The following SPRY3 variants were observed in gnomAD, a reference collection of about 807,000 sequenced individuals.
The protein encoded by SPRY3 is sprouty RTK signaling antagonist 3.
SPRY3 carries 15 observed loss-of-function variants against 20.2 expected under a neutral mutation model. That is an observed-to-expected ratio of 0.74 (90% CI 0.50 to 1.14). SPRY3 has a LOEUF of 1.14. Among genes scored for constraint, SPRY3 ranks in the 50% most tolerant of loss-of-function variants. The pLI is 0.00. For missense variants in SPRY3, 364 were observed against 363.9 expected (o/e 1.00, Z 0.00); for synonymous variants, 143 against 136.5 (o/e 1.05, Z -0.33).
intron 2 of SPRY3, among the ~76,000 whole-genome samples, chrX:155,696,412 C>T (rs982883713): frequency 2.7e-5 from 3 of 110,460 alleles, no homozygotes; most frequent in African/African-American, 9.9e-5. Flanking sequence ...TTTTATACCC[C>T]CAAGACTTTG....
In SPRY3 at chrX:155,711,344, C is replaced by G. The variant is rs750626442; in HGVS notation, c.-282+54319C>G. Among the ~76,000 whole-genome samples the G allele has an allele frequency of 1.7e-4, 26 of 151,756 alleles. No homozygotes were observed. In the South Asian group the frequency reaches 4.8e-3, roughly 28 times the overall value. On this transcript the variant is annotated intron_variant, in intron 2 of 3. Coordinates refer to ENST00000675360, the Ensembl canonical transcript of SPRY3. ...ATTCTTCTAGTTACTTGTTATTGGTCTGTTCAGGTTTTGGATTTCTTCATG... is the reference window on the plus strand; with the variant it reads ...ATTCTTCTAGTTACTTGTTATTGGTGTGTTCAGGTTTTGGATTTCTTCATG...
At chrX:155,763,853 A>G (rs1164254919) in intron 2 of SPRY3, among the ~76,000 whole-genome samples, 1 of 151,812 alleles carries the variant, frequency 6.6e-6, no homozygotes, top group African/African-American at 2.4e-5. Flanking sequence ...TGTTAGATAT[A>G]CTCTCCCTTC....
intron 2 of SPRY3, among the ~76,000 whole-genome samples, chrX:155,765,736 C>T (rs1569398652): frequency 6.6e-6 from 1 of 152,128 alleles, no homozygotes; most frequent in Non-Finnish European, 1.5e-5. Context: ...TTAGGCAACC[C>T]AGCTATTCAA....
chrX:155,727,735 G>T (rs922036275), intron 2 of SPRY3, among the ~76,000 whole-genome samples: 2 of 152,044 alleles, frequency 1.3e-5, no homozygotes, highest in Admixed American at 1.3e-4. Context: ...TCCTTGAAAT[G>T]GGTTAGAATG....
chrX:155,742,528 A>G (rs1485378850), intron 2 of SPRY3, among the ~76,000 whole-genome samples: 1 of 152,188 alleles, frequency 6.6e-6, no homozygotes, highest in Non-Finnish European at 1.5e-5. Context: ...ACCCAAAAAC[A>G]ATAGAATGTG....
At chrX:155,665,722 C>T (rs2068022474) in intron 2 of SPRY3, among the ~76,000 whole-genome samples, 1 of 111,353 alleles carries the variant, frequency 9.0e-6, no homozygotes, top group African/African-American at 3.3e-5. Context: ...TGGGATGATA[C>T]ATGCCAACTT....
chrX:155,753,570 C>A (rs1260409709), intron 2 of SPRY3, among the ~76,000 whole-genome samples: 2 of 151,794 alleles, frequency 1.3e-5, no homozygotes, highest in Non-Finnish European at 2.9e-5. Flanking sequence ...CACATGTTTT[C>A]AACTTTTTTG....
intron 2 of SPRY3, among the ~76,000 whole-genome samples, chrX:155,767,437 C>T (rs1393885912): frequency 6.6e-6 from 1 of 151,974 alleles, no homozygotes; most frequent in Non-Finnish European, 1.5e-5. Flanking sequence ...CACACACTGG[C>T]GGTATCTATT....
At chrX:155,623,780 T>A (rs1346959491) in intron 1 of SPRY3, among the ~76,000 whole-genome samples, 1 of 112,522 alleles carries the variant, frequency 8.9e-6, no homozygotes, top group Non-Finnish European at 1.9e-5. Context: ...CTTTGCTGAT[T>A]TCTGCATTTC....
intron 1 of SPRY3, among the ~76,000 whole-genome samples, chrX:155,645,960 AC>A (rs35329695): frequency 0.049 from 5,420 of 111,244 alleles, 316 homozygotes; most frequent in African/African-American, 0.17. Context: ...TTTTTAATTG[AC>A]CTTTGTGTTT....
chrX:155,771,887 C>T (rs918167492), intron 3 of SPRY3, among the ~76,000 whole-genome samples: 3 of 152,040 alleles, frequency 2.0e-5, no homozygotes, highest in African/African-American at 7.2e-5. Flanking sequence ...GTAGAAGATA[C>T]GGATGAAAAG....
At chrX:155,737,467 G>A (rs1215758164) in intron 2 of SPRY3, among the ~76,000 whole-genome samples, 4 of 152,140 alleles carry the variant, frequency 2.6e-5, no homozygotes, top group Non-Finnish European at 5.9e-5. Context: ...ATGCCATAAT[G>A]AGGATCATAC....
At chrX:155,780,636 A>T (rs1379582676), downstream of SPRY3, 1 of 166,908 alleles carries the variant, frequency 6.0e-6, no homozygotes, top group African/African-American at 2.4e-5. Flanking sequence ...GTGTCCTTGG[A>T]TGGGGATTCA....
chrX:155,755,917 C>A (rs1451112640), intron 2 of SPRY3, among the ~76,000 whole-genome samples: 1 of 151,800 alleles, frequency 6.6e-6, no homozygotes, highest in Non-Finnish European at 1.5e-5. Flanking sequence ...CCAAAGAGGC[C>A]AGGGAGAGGA....
chrX:155,713,157 T>C (rs2090998759), intron 2 of SPRY3, among the ~76,000 whole-genome samples: 3 of 152,030 alleles, frequency 2.0e-5, no homozygotes, highest in Non-Finnish European at 2.9e-5. Flanking sequence ...GTTTGATACA[T>C]AGGTATACAT....
At position 155,662,311 on chromosome X, in the gene SPRY3, A is replaced by G. The variant is rs191800721; in HGVS notation, c.-282+5286A>G. Among the ~76,000 whole-genome samples the G allele has an allele frequency of 4.9e-3, 549 of 110,916 alleles. 1 individual carries two copies. Among genetic ancestry groups the G allele is most frequent in the Non-Finnish European group, 6.2e-3 (330 of 52,930 alleles). On this transcript the variant is annotated intron_variant, in intron 2 of 3. Transcript: ENST00000675360. ...TTCAGGGGAACAGGACTCTGTACGA[A>G]TGCCAGGGATATAAATAGGCTTAAT... is the stretch of plus-strand genomic sequence containing the variant.
exon 4 of SPRY3, chrX:155,776,461 T>C (rs913147092): frequency 2.4e-5 from 4 of 167,078 alleles, no homozygotes; most frequent in African/African-American, 9.6e-5. Flanking sequence ...TCTTAAAAAG[T>C]ACAGAGAGCC....
intron 2 of SPRY3, among the ~76,000 whole-genome samples, chrX:155,744,666 A>G (rs1041002255): frequency 6.6e-6 from 1 of 152,082 alleles, no homozygotes; most frequent in Admixed American, 6.6e-5. Flanking sequence ...CCAGGACACT[A>G]AAGTCAGAGA....
intron 2 of SPRY3, among the ~76,000 whole-genome samples, chrX:155,747,991 A>G (rs753114315): frequency 3.3e-5 from 5 of 152,034 alleles, no homozygotes; most frequent in African/African-American, 1.2e-4. Flanking sequence ...CGATTTATAT[A>G]CTTATTATAC....
Sources: gnomAD v4.1 joint callset for allele counts (sites outside exome capture counted in the v4.1 genomes callset) on GRCh38, gnomAD v4.1.1 for gene constraint, MANE v1.5 for transcripts, NCBI Gene and HGNC (gene_info 2026-07-23, HGNC 2026-07-21) for gene names.